Variants in NKAIN2 observed in about 807,000 individuals in gnomAD.
NKAIN2 encodes the protein sodium/potassium-transporting ATPase subunit beta-1-interacting protein 2.
A neutral mutation model predicts 32.6 loss-of-function variants in NKAIN2; 14 were observed. The observed-to-expected ratio is 0.43, with a 90% CI of 0.28 to 0.67. NKAIN2 has a LOEUF of 0.67. Among genes scored for constraint, NKAIN2 ranks in the 30% least tolerant of loss-of-function variants. NKAIN2 has a pLI of 0.17. For missense variants in NKAIN2, 198 were observed against 258.3 expected, an observed-to-expected ratio of 0.77 and a Z score of 1.60; for synonymous variants, 80 against 87.2, an observed-to-expected ratio of 0.92 and a Z score of 0.46.
intron 2 of NKAIN2, among the ~76,000 whole-genome samples, chr6:124,343,289 A>C (rs1467074801): frequency 6.6e-6 from 1 of 151,916 alleles, no homozygotes; most frequent in Non-Finnish European, 1.5e-5. Flanking sequence ...CGAAATAAAC[A>C]TACGTGTGCA....
chr6:124,798,044 CTTTCTTCT>C (rs1780083574), intron 5 of NKAIN2, among the ~76,000 whole-genome samples: 1 of 151,624 alleles, frequency 6.6e-6, no homozygotes, highest in Non-Finnish European at 1.5e-5. Context: ...TCTTTTCTTC[CTTTCTTCT>C]TATCTATCTA....
intron 1 of NKAIN2, among the ~76,000 whole-genome samples, chr6:123,818,644 C>A (rs1267270024): frequency 6.6e-6 from 1 of 152,090 alleles, no homozygotes; most frequent in Non-Finnish European, 1.5e-5. Context: ...TTGGTGGACT[C>A]TAATTTGCAT....
intron 4 of NKAIN2, among the ~76,000 whole-genome samples, chr6:124,675,797 T>C (rs76627991): frequency 0.18 from 27,930 of 151,864 alleles, 2,803 homozygotes; most frequent in East Asian, 0.34. Flanking sequence ...TGTTAGTTTT[T>C]TTGTTTTTTT....
At chr6:124,164,630 CT>C (rs997311996) in intron 1 of NKAIN2, among the ~76,000 whole-genome samples, 1 of 151,942 alleles carries the variant, frequency 6.6e-6, no homozygotes, top group Non-Finnish European at 1.5e-5. Flanking sequence ...AAGAGTAAAT[CT>C]TTTTTTCTTT....
chr6:124,128,081 G>T (rs1786272630), intron 1 of NKAIN2, among the ~76,000 whole-genome samples: 1 of 152,100 alleles, frequency 6.6e-6, no homozygotes, highest in Non-Finnish European at 1.5e-5. Context: ...CGCCCACCTT[G>T]GCCTCCCAAA....
At chr6:124,675,430 C>T (rs1338011635) in intron 4 of NKAIN2, among the ~76,000 whole-genome samples, 2 of 152,008 alleles carry the variant, frequency 1.3e-5, no homozygotes, top group South Asian at 2.1e-4. Flanking sequence ...AGTGTTCTCT[C>T]TTCTTTAATT....
intron 1 of NKAIN2, among the ~76,000 whole-genome samples, chr6:124,024,145 A>C (rs949846148): frequency 6.6e-6 from 1 of 152,278 alleles, no homozygotes; most frequent in Middle Eastern, 3.4e-3. Context: ...GTACAAGAAA[A>C]AAGAAATAAT....
At chr6:124,185,959 T>A (rs935625308) in intron 1 of NKAIN2, among the ~76,000 whole-genome samples, 2 of 151,838 alleles carry the variant, frequency 1.3e-5, no homozygotes, top group South Asian at 4.1e-4. Context: ...ATATAAAGCA[T>A]TTGCTTGTTA....
intron 1 of NKAIN2, among the ~76,000 whole-genome samples, chr6:123,911,677 A>G (rs1562253190): frequency 6.6e-6 from 1 of 151,672 alleles, no homozygotes; most frequent in East Asian, 1.9e-4. Context: ...AAGCATTTGA[A>G]ATGCAATTGT....
chr6:124,061,388 C>A (rs1251759443), intron 1 of NKAIN2, among the ~76,000 whole-genome samples: 1 of 152,102 alleles, frequency 6.6e-6, no homozygotes, highest in Non-Finnish European at 1.5e-5. Flanking sequence ...AGCAAGGTAT[C>A]TTTTCAAAAC....
intron 3 of NKAIN2, among the ~76,000 whole-genome samples, chr6:124,408,544 C>G (rs1372424040): frequency 1.3e-5 from 2 of 152,116 alleles, no homozygotes; most frequent in Non-Finnish European, 2.9e-5. Context: ...CTGTTCTGTT[C>G]CATTGATCTA....
intron 1 of NKAIN2, among the ~76,000 whole-genome samples, chr6:123,998,729 TTCTC>T (rs564867802): frequency 1.1e-4 from 15 of 137,804 alleles, no homozygotes; most frequent in South Asian, 2.5e-4. Flanking sequence ...AAATTGTTGT[TTCTC>T]TCTCTCTCTC....
intron 3 of NKAIN2, among the ~76,000 whole-genome samples, chr6:124,454,592 A>T (rs1776249465): frequency 6.6e-6 from 1 of 152,180 alleles, no homozygotes; most frequent in Admixed American, 6.6e-5. Context: ...CTTCTGTTTT[A>T]AAACTGAAAA....
chr6:124,539,147 A>T (rs983075472), intron 3 of NKAIN2, among the ~76,000 whole-genome samples: 3 of 152,198 alleles, frequency 2.0e-5, no homozygotes, highest in African/African-American at 7.2e-5. Context: ...TAATGAATGA[A>T]TATGTCAGTG....
intron 1 of NKAIN2, among the ~76,000 whole-genome samples, chr6:124,118,273 A>G (rs1466402408): frequency 1.3e-5 from 2 of 152,180 alleles, no homozygotes; most frequent in Non-Finnish European, 2.9e-5. Context: ...TTGCAATAAC[A>G]TAAAATGAAT....
At chr6:124,266,312 C>G (rs1018606216) in intron 1 of NKAIN2, among the ~76,000 whole-genome samples, 2 of 152,134 alleles carry the variant, frequency 1.3e-5, no homozygotes, top group African/African-American at 4.8e-5. Context: ...ATTTATCACT[C>G]TGCTGCCCAG....
intron 3 of NKAIN2, among the ~76,000 whole-genome samples, chr6:124,544,106 T>C (rs1030125128): frequency 1.3e-5 from 2 of 152,084 alleles, no homozygotes; most frequent in African/African-American, 4.8e-5. Flanking sequence ...ATGTAGGCCA[T>C]TAGGTTTCTG....
intron 3 of NKAIN2, among the ~76,000 whole-genome samples, chr6:124,430,186 A>C (rs2114561531): frequency 6.6e-6 from 1 of 152,346 alleles, no homozygotes; most frequent in East Asian, 1.9e-4. Flanking sequence ...TTTTTCTGTC[A>C]ACTAAAAAAA....
intron 1 of NKAIN2, among the ~76,000 whole-genome samples, chr6:123,875,372 T>C (rs1227057406): frequency 1.3e-5 from 2 of 152,012 alleles, no homozygotes; most frequent in East Asian, 3.8e-4. Context: ...TTTTAAAAAA[T>C]GTAATTTGCT....
Sources: allele counts gnomAD v4.1 joint callset (sites outside exome capture counted in the v4.1 genomes callset), GRCh38; gene constraint gnomAD v4.1.1; transcripts MANE v1.5; gene names NCBI Gene and HGNC (gene_info 2026-07-23, HGNC 2026-07-21).